ZEB1: variants seen among roughly 807,000 people sequenced by gnomAD.
ZEB1 encodes the protein zinc finger E-box binding homeobox 1, also known as zinc finger E-box-binding homeobox 1.
ZEB1 carries 21 observed loss-of-function variants against 84.9 expected under a neutral mutation model. The ratio of observed to expected loss-of-function variants is 0.25; its 90% CI spans 0.18 to 0.36. The LOEUF (loss-of-function observed/expected upper bound fraction) is 0.36. Among genes scored for constraint, ZEB1 ranks in the 10% least tolerant of loss-of-function variants. The pLI, the probability that ZEB1 is intolerant of heterozygous loss-of-function variation, is 1.00. For missense variants in ZEB1, 1,104 were observed against 1,330.2 expected (o/e 0.83, Z 2.65); for synonymous variants, 420 against 471.1 (o/e 0.89, Z 1.41).
chr10:31,359,467 A>G (rs1427153606), intron 1 of ZEB1, among the ~76,000 whole-genome samples: 1 of 152,170 alleles, frequency 6.6e-6, no homozygotes, highest in Non-Finnish European at 1.5e-5. Flanking sequence ...CCATTCTGAA[A>G]TACTCTTTTA....
chr10:31,421,843 C>T (rs1591089036), intron 1 of ZEB1, among the ~76,000 whole-genome samples: 2 of 152,052 alleles, frequency 1.3e-5, no homozygotes, highest in African/African-American at 4.8e-5. Flanking sequence ...TATTAATTTT[C>T]TTAACTATAA....
intron 1 of ZEB1, among the ~76,000 whole-genome samples, chr10:31,430,555 A>AT (rs1165730830): frequency 6.6e-6 from 1 of 152,126 alleles, no homozygotes; most frequent in African/African-American, 2.4e-5. Flanking sequence ...AAATTTCCTA[A>AT]TTTTGCCATG....
At chr10:31,376,856 T>TA (rs1165559550) in intron 1 of ZEB1, among the ~76,000 whole-genome samples, 1 of 151,718 alleles carries the variant, frequency 6.6e-6, no homozygotes, top group African/African-American at 2.4e-5. Context: ...ATCTTAAAAA[T>TA]ATCCTGCTTC....
At chr10:31,399,013 T>C (rs1466085125) in intron 1 of ZEB1, among the ~76,000 whole-genome samples, 7 of 147,294 alleles carry the variant, frequency 4.8e-5, no homozygotes, top group Admixed American at 2.0e-4. Context: ...TTTTTTGATA[T>C]GGAGTTTTGC....
At chr10:31,370,837 GTTTC>G (rs1172538524) in intron 1 of ZEB1, among the ~76,000 whole-genome samples, 1 of 152,160 alleles carries the variant, frequency 6.6e-6, no homozygotes, top group Non-Finnish European at 1.5e-5. Context: ...GACTGGACCT[GTTTC>G]TTTATTTGTA....
chr10:31,387,604 T>C (rs1022637164), intron 1 of ZEB1: 19 of 409,130 alleles, frequency 4.6e-5, no homozygotes, highest in Non-Finnish European at 4.6e-5. Context: ...TTAAGAATTT[T>C]GAAACAATGA....
At chr10:31,484,606 A>T (rs930319605) in intron 2 of ZEB1, among the ~76,000 whole-genome samples, 4 of 152,006 alleles carry the variant, frequency 2.6e-5, no homozygotes, top group South Asian at 4.1e-4. Flanking sequence ...AGTCACTCAG[A>T]TGATTCAGGA....
Position 31,520,843 on chromosome 10 carries a change from G to C in ZEB1, c.1511G>C (p.Cys504Ser). 6.2e-7 allele frequency: 1 copy of C among 1,614,104 alleles called. No homozygotes were observed. Among genetic ancestry groups the C allele is most frequent in the South Asian group, 1.1e-5 (1 of 91,080 alleles). ...GAAAATCCAGTCGCTACAAACAGTT[G>C]TAAAAGTGAAAAGTTACCAGAAGAT... ...KKENPVATNSCKSEKLPEDLT... is the reference protein window; with the variant it reads ...KKENPVATNSSKSEKLPEDLT... The change falls in exon 7 of 9, where the codon TGT becomes TCT. Residue 504 changes from cysteine to serine, a missense_variant. Around this residue, in one of 7 missense-constraint regions of ZEB1, gnomAD observed 531 missense variants for 575.2 expected, o/e 0.92. Coordinates refer to ENST00000424869, the MANE Select transcript of ZEB1 (RefSeq NM_001174096.2). This position sits in a 1 kb window ranked among gnomAD's most constrained non-coding sequence, Gnocchi z 5.1.
At chr10:31,414,940 G>C (rs1463251704) in intron 1 of ZEB1, among the ~76,000 whole-genome samples, 1 of 152,122 alleles carries the variant, frequency 6.6e-6, no homozygotes, top group Non-Finnish European at 1.5e-5. Context: ...ATTGATTATA[G>C]ATTAAAACTG....
At chr10:31,485,269 C>T (rs1304502021) in intron 2 of ZEB1, among the ~76,000 whole-genome samples, 1 of 151,802 alleles carries the variant, frequency 6.6e-6, no homozygotes, top group Admixed American at 6.6e-5. Flanking sequence ...GTGTGCTAAG[C>T]ATTGGGCTAA....
At chr10:31,408,182 T>C (rs1430452461) in intron 1 of ZEB1, among the ~76,000 whole-genome samples, 1 of 150,860 alleles carries the variant, frequency 6.6e-6, no homozygotes, top group East Asian at 1.9e-4. Context: ...GAATCCAACT[T>C]ACAAGGGATG....
chr10:31,471,494 T>G (rs2063240182), intron 2 of ZEB1, among the ~76,000 whole-genome samples: 1 of 150,786 alleles, frequency 6.6e-6, no homozygotes, highest in Non-Finnish European at 1.5e-5. Flanking sequence ...AGGGATCAAT[T>G]CAACAAGAAG....
chr10:31,513,017 C>T (rs879382346), intron 5 of ZEB1, among the ~76,000 whole-genome samples: 28 of 152,114 alleles, frequency 1.8e-4, no homozygotes, highest in Admixed American at 1.3e-3. Flanking sequence ...AAGATAAAGA[C>T]GTTGGATTGT....
At chr10:31,420,899 T>C (rs556486036) in intron 1 of ZEB1, among the ~76,000 whole-genome samples, 6 of 152,300 alleles carry the variant, frequency 3.9e-5, no homozygotes, top group East Asian at 1.9e-4. Flanking sequence ...TCCGTAGATA[T>C]CGAGATTTCT....
rs535183873 is a variant in ZEB1 at position 31,395,651 on chromosome 10, C to T, written c.59-65386C>T. 1.3e-4 allele frequency among the ~76,000 whole-genome samples: 20 copies of T among 152,220 alleles called. No homozygotes were observed. The South Asian group carries it at 3.9e-3, about 30-fold the overall frequency. ...GTGCCACAGGGGGAACCCTGAACATCAGAGAGCAGGTTGAATGCACCTGAT... is the reference window on the plus strand; with the variant it reads ...GTGCCACAGGGGGAACCCTGAACATTAGAGAGCAGGTTGAATGCACCTGAT... On this transcript the variant is annotated intron_variant, in intron 1 of 8. Coordinates refer to ENST00000424869, the MANE Select transcript of ZEB1 (RefSeq NM_001174096.2).
At chr10:31,435,775 A>G (rs994061439) in intron 1 of ZEB1, among the ~76,000 whole-genome samples, 1 of 152,250 alleles carries the variant, frequency 6.6e-6, no homozygotes, top group Non-Finnish European at 1.5e-5. Flanking sequence ...ATGGAAAGCC[A>G]TTGAAAGGTT....
intron 1 of ZEB1, among the ~76,000 whole-genome samples, chr10:31,328,101 G>T (rs1409271208): frequency 6.6e-6 from 1 of 152,030 alleles, no homozygotes; most frequent in Non-Finnish European, 1.5e-5. Flanking sequence ...TGACTTTATG[G>T]GTAGTAAGAA....
At chr10:31,363,571 G>C in intron 1 of ZEB1, 2 of 1,527,354 alleles carry the variant, frequency 1.3e-6, no homozygotes, top group Non-Finnish European at 1.8e-6. Context: ...TTTCACCTCT[G>C]TTGCTTCTTT....
At chr10:31,502,297 G>A (rs1565139042) in intron 3 of ZEB1, 51 bp from the exon 4 acceptor site, 3 of 1,578,922 alleles carry the variant, frequency 1.9e-6, no homozygotes, top group East Asian at 2.3e-5. Context: ...GAAAACCTTT[G>A]TAATAACTTA....
Sources: allele counts gnomAD v4.1 joint callset (sites outside exome capture counted in the v4.1 genomes callset), GRCh38; gene constraint gnomAD v4.1.1; regional missense constraint gnomAD v4.1.1; non-coding constraint Gnocchi (gnomAD v3.1); transcripts MANE v1.5; gene names NCBI Gene and HGNC (gene_info 2026-07-23, HGNC 2026-07-21).